TRABD2B: variants seen among roughly 807,000 people sequenced by gnomAD.
TRABD2B encodes TraB domain containing 2B, also known as metalloprotease TIKI2.
In TRABD2B, 14 loss-of-function variants were observed where a neutral mutation model predicts 40.1. The ratio of observed to expected loss-of-function variants is 0.35; its 90% CI spans 0.23 to 0.55. The LOEUF (loss-of-function observed/expected upper bound fraction) is 0.55. Ranked by LOEUF, TRABD2B falls within the 20% of genes least tolerant of loss-of-function variation. TRABD2B has a pLI of 0.90. For synonymous variants in TRABD2B, 263 were observed against 277.0 expected, an observed-to-expected ratio of 0.95 and a Z score of 0.50; for missense variants, 541 against 648.6, an observed-to-expected ratio of 0.83 and a Z score of 1.80.
At chr1:47,811,248 C>T (rs1378293207) in intron 2 of TRABD2B, among the ~76,000 whole-genome samples, 1 of 152,038 alleles carries the variant, frequency 6.6e-6, no homozygotes, top group Admixed American at 6.5e-5. Context: ...CTCTGCCCTC[C>T]TCCCTTCCCC....
chr1:47,871,465 G>A (rs1027768525), intron 2 of TRABD2B, among the ~76,000 whole-genome samples: 7 of 152,170 alleles, frequency 4.6e-5, no homozygotes, highest in Non-Finnish European at 8.8e-5. Context: ...CCCGCCACAC[G>A]TACACACTGC....
At chr1:47,846,857 T>TACACACACACACACACACAC (rs67359073) in intron 2 of TRABD2B, among the ~76,000 whole-genome samples, 29 of 106,504 alleles carry the variant, frequency 2.7e-4, no homozygotes, top group East Asian at 1.4e-3. Flanking sequence ...AAAACATGCA[T>TACACACACACACACACACAC]ACACACACAC....
At chr1:47,964,060 T>G (rs1446567120) in intron 2 of TRABD2B, among the ~76,000 whole-genome samples, 1 of 152,146 alleles carries the variant, frequency 6.6e-6, no homozygotes, top group African/African-American at 2.4e-5. Context: ...GTTGTTTTTT[T>G]CCCCCTACAT....
At chr1:47,824,025 C>T (rs573116921) in intron 2 of TRABD2B, among the ~76,000 whole-genome samples, 2 of 152,236 alleles carry the variant, frequency 1.3e-5, no homozygotes, top group Non-Finnish European at 2.9e-5. Flanking sequence ...GTATCCCAAG[C>T]CTGGAGGCCT....
chr1:47,972,899 C>A (rs975697110), intron 2 of TRABD2B, among the ~76,000 whole-genome samples: 2 of 152,146 alleles, frequency 1.3e-5, no homozygotes, highest in South Asian at 4.1e-4. Flanking sequence ...GTAAATGAGG[C>A]ATCTCTAAGG....
intron 4 of TRABD2B, among the ~76,000 whole-genome samples, chr1:47,790,427 C>T (rs1297435450): frequency 2.6e-5 from 4 of 152,220 alleles, no homozygotes; most frequent in Admixed American, 2.6e-4. Context: ...CCAGCATCAC[C>T]CAGGCCTGCT....
intron 4 of TRABD2B, among the ~76,000 whole-genome samples, chr1:47,790,000 C>T (rs1433731563): frequency 6.6e-6 from 1 of 151,526 alleles, no homozygotes; most frequent in Non-Finnish European, 1.5e-5. Flanking sequence ...TTTCATTTTG[C>T]CAAATGAGGA....
intron 2 of TRABD2B, among the ~76,000 whole-genome samples, chr1:47,903,217 G>A (rs1644626393): frequency 6.6e-6 from 1 of 152,160 alleles, no homozygotes; most frequent in Admixed American, 6.5e-5. Context: ...ACCCTTGAGA[G>A]TGTACGTCAA....
In TRABD2B at chr1:47,794,571, C is replaced by T; in HGVS notation, c.988+15G>A. ...AGGATTCTGCAAACAATCCCTTCCC[C>T]ACACTGGCCCAAACCTGCTCCGAAG... On this transcript the variant is annotated intron_variant, in intron 4 of 6. Transcript: ENST00000606738. 6.6e-7 allele frequency: 1 copy of T among 1,510,414 alleles called. No individual in the cohort carries two copies. The highest frequency in any genetic ancestry group is 8.9e-7 in the Non-Finnish European group (1 of 1,129,558). 93.6% of individuals were successfully genotyped at this position (1,510,414 alleles called of 1,614,324 possible).
chr1:47,978,458 G>A (rs778092574), intron 2 of TRABD2B, among the ~76,000 whole-genome samples: 2 of 152,234 alleles, frequency 1.3e-5, no homozygotes, highest in African/African-American at 4.8e-5. Flanking sequence ...AAAGCAAGGT[G>A]CGAGGCCAAC....
intron 2 of TRABD2B, among the ~76,000 whole-genome samples, chr1:47,827,270 T>C (rs958267875): frequency 6.6e-6 from 1 of 152,232 alleles, no homozygotes; most frequent in African/African-American, 2.4e-5. Flanking sequence ...GAAACATGAA[T>C]GCATCAGGGA....
rs1346471788 is a variant in TRABD2B, at chr1:47,919,088, T to G, written c.666+74946A>C. Among the ~76,000 whole-genome samples the G allele has an allele frequency of 3.9e-5, 6 of 152,222 alleles. No homozygotes were observed. In the East Asian group the frequency reaches 9.6e-4, roughly 24 times the overall value. Reference sequence around the variant, plus strand: ...TGCCTACTGTACAATCATTGTGTGTTGTGGTCATCTGCTTTATTATAGGTC... The same window carrying G: ...TGCCTACTGTACAATCATTGTGTGTGGTGGTCATCTGCTTTATTATAGGTC... On this transcript the variant is annotated intron_variant, in intron 2 of 6. Coordinates refer to ENST00000606738, the MANE Select transcript of TRABD2B (RefSeq NM_001194986.2).
At chr1:47,851,487 G>A (rs968673356) in intron 2 of TRABD2B, among the ~76,000 whole-genome samples, 1 of 152,208 alleles carries the variant, frequency 6.6e-6, no homozygotes, top group African/African-American at 2.4e-5. Flanking sequence ...GGGAGGAAGG[G>A]AGGGAGAGAG....
chr1:47,991,326 T>C (rs1254723204), intron 2 of TRABD2B, among the ~76,000 whole-genome samples: 5 of 152,102 alleles, frequency 3.3e-5, no homozygotes, highest in Non-Finnish European at 7.4e-5. Context: ...ATTAGAATCA[T>C]CCTATGGAAT....
intron 2 of TRABD2B, among the ~76,000 whole-genome samples, chr1:47,951,623 T>A (rs1645345575): frequency 6.6e-6 from 1 of 152,100 alleles, no homozygotes; most frequent in South Asian, 2.1e-4. Context: ...CTGTGCCATC[T>A]CATACCCAAG....
chr1:47,980,943 G>A (rs2220993), intron 2 of TRABD2B, among the ~76,000 whole-genome samples: 3,713 of 152,274 alleles, frequency 0.024, 114 homozygotes, highest in Admixed American at 0.088. Context: ...TCCAGTTTCA[G>A]AAGGGCTGTC....
intron 2 of TRABD2B, among the ~76,000 whole-genome samples, chr1:47,909,571 G>A (rs962778257): frequency 2.1e-5 from 3 of 142,656 alleles, no homozygotes; most frequent in Non-Finnish European, 3.1e-5. Context: ...GGAGGAGGAG[G>A]AGGAGGAGGA....
intron 2 of TRABD2B, among the ~76,000 whole-genome samples, chr1:47,853,037 C>G (rs975290331): frequency 1.3e-5 from 2 of 152,074 alleles, no homozygotes; most frequent in African/African-American, 4.8e-5. Context: ...GGGAAAGCCT[C>G]CCCAACATCC....
intron 2 of TRABD2B, among the ~76,000 whole-genome samples, chr1:47,990,768 GTTTTATATATATATATATATAT>G (rs1220188134): frequency 6.7e-5 from 3 of 44,936 alleles, no homozygotes; most frequent in African/African-American, 3.2e-4. Context: ...TAAAACGTTG[GTTTTATATATATATATATATAT>G]ATATATATAT....
Sources: gnomAD v4.1 joint callset for allele counts (sites outside exome capture counted in the v4.1 genomes callset) on GRCh38, gnomAD v4.1.1 for gene constraint, MANE v1.5 for transcripts, NCBI Gene and HGNC (gene_info 2026-07-23, HGNC 2026-07-21) for gene names.